Variants in TCF25 observed in about 807,000 individuals in gnomAD.
TCF25 encodes the protein ribosome quality control complex subunit TCF25.
A neutral mutation model predicts 83.1 loss-of-function variants in TCF25; 41 were observed. The ratio of observed to expected loss-of-function variants is 0.49; its 90% CI spans 0.38 to 0.64. The LOEUF is 0.64. Among genes scored for constraint, TCF25 ranks in the 30% least tolerant of loss-of-function variants. TCF25 has a pLI of 0.00. For synonymous variants in TCF25, 458 were observed against 365.0 expected (o/e 1.25, Z -2.90); for missense variants, 979 against 914.5 (o/e 1.07, Z -0.91).
intron 13 of TCF25, 59 bp from the exon 14 acceptor site, chr16:89,904,879 C>A: frequency 6.4e-7 from 1 of 1,562,366 alleles, no homozygotes; most frequent in Admixed American, 1.9e-5. Flanking sequence ...GCTCTGCCAG[C>A]CTCGAGGCAG....
chr16:89,879,888 C>T (rs2042468207), intron 1 of TCF25, among the ~76,000 whole-genome samples: 1 of 150,378 alleles, frequency 6.6e-6, no homozygotes, highest in Admixed American at 6.7e-5. Flanking sequence ...CACAGATGGG[C>T]TTCGGAGCCT....
chr16:89,895,036 A>G lies in TCF25; in HGVS notation c.829-2A>G. 1 of 1,612,438 alleles carries G rather than the reference A, an allele frequency of 6.2e-7. No homozygotes were observed. Among genetic ancestry groups the G allele is most frequent in the Non-Finnish European group, 8.5e-7 (1 of 1,179,092 alleles). ...CTCCAGGGCTGTCCTCCCTTCTGGT[A>G]GGTTCTGCTCCAGACGAGCCCTTAC... On this transcript the variant is annotated splice_acceptor_variant, in intron 7 of 17. Coordinates refer to ENST00000263346, the MANE Select transcript of TCF25 (RefSeq NM_014972.3). LOFTEE classifies it high-confidence loss of function.
Position 89,884,563 on chromosome 16 carries a change from A to T in TCF25, c.355-19A>T, listed in dbSNP as rs1460485112. ...ATTTACTTCTCATTCTACTGATGAA[A>T]ATGTGTTTCTATCATTAGTCTCATG... On this transcript the variant is annotated intron_variant, in intron 2 of 17. Coordinates refer to ENST00000263346, the MANE Select transcript of TCF25 (RefSeq NM_014972.3). 6.2e-7 allele frequency: 1 copy of T among 1,611,898 alleles called. No homozygotes were observed.
chr16:89,910,993 C>A, intron 17 of TCF25, 87 bp from the exon 18 acceptor site: 1 of 1,553,910 alleles, frequency 6.4e-7, no homozygotes, highest in Non-Finnish European at 8.7e-7. Context: ...AGGGCCACCT[C>A]GGGCTCCACA....
rs1419273580 is a variant in TCF25, at chr16:89,893,832, G to C, written c.802G>C (p.Glu268Gln). The C allele has an allele frequency of 6.2e-7, 1 of 1,609,878 alleles. No homozygotes were observed. The highest frequency in any genetic ancestry group is 8.5e-7 in the Non-Finnish European group (1 of 1,178,276). ...QAQHKFLVAV[E>Q]SMEPNNIVVL... ...TCAGCACAAGTTCCTGGTGGCCGTG[G>C]AGTCTATGGAGCCGAACAACATCGT... Residue 268 changes from glutamate (E) to glutamine (Q), a missense_variant, in exon 7 of 18, where the codon GAG becomes CAG. By Grantham distance (29) the Glu-to-Gln change is conservative. Coordinates refer to ENST00000263346, the MANE Select transcript of TCF25 (RefSeq NM_014972.3).
At chr16:89,905,681 C>G (rs4591146) in intron 14 of TCF25, among the ~76,000 whole-genome samples, 1 of 152,152 alleles carries the variant, frequency 6.6e-6, no homozygotes, top group African/African-American at 2.4e-5. Flanking sequence ...GAGGTGTGCC[C>G]GGGGGTGCCC....
intron 1 of TCF25, among the ~76,000 whole-genome samples, chr16:89,876,833 G>A (rs1398641376): frequency 6.6e-6 from 1 of 151,726 alleles, no homozygotes; most frequent in Non-Finnish European, 1.5e-5. Flanking sequence ...GGAGGCTGAG[G>A]CAGGAGAATG....
At chr16:89,886,873 G>T (rs2043055432) in intron 4 of TCF25, among the ~76,000 whole-genome samples, 1 of 152,078 alleles carries the variant, frequency 6.6e-6, no homozygotes, top group African/African-American at 2.4e-5. Context: ...GGAGGCAGAG[G>T]TTGCAGTGAG....
At chr16:89,893,320 C>T (rs1303663904) in intron 6 of TCF25, among the ~76,000 whole-genome samples, 4 of 152,200 alleles carry the variant, frequency 2.6e-5, no homozygotes, top group African/African-American at 9.7e-5. Flanking sequence ...CCTGTGCCAC[C>T]GCACTCCAAC....
At position 89,896,030 on chromosome 16, in the gene TCF25, G is replaced by C. The variant is rs1567719919; in HGVS notation, c.969G>C (p.Leu323=). The change falls in exon 9 of 18, where the codon CTG becomes CTC. Residue 323 remains leucine (L), a synonymous_variant. Transcript: ENST00000263346. ...LYSMECAFHP[L]FSLTSGACRL... is the part of the protein sequence containing the mutation. Reference sequence around the variant, plus strand: ...GCATGGAATGTGCGTTCCACCCCCTGTTCAGTCTCACCAGTGGGGCCTGCC... The same window carrying C: ...GCATGGAATGTGCGTTCCACCCCCTCTTCAGTCTCACCAGTGGGGCCTGCC... 1.2e-6 allele frequency: 2 copies of C among 1,613,932 alleles called. No individual in the cohort carries two copies. Among genetic ancestry groups the C allele is most frequent in the East Asian group, 2.2e-5 (1 of 44,888 alleles).
intron 4 of TCF25, among the ~76,000 whole-genome samples, chr16:89,886,501 G>A (rs1567706025): frequency 1.3e-5 from 2 of 152,018 alleles, no homozygotes; most frequent in African/African-American, 2.4e-5. Context: ...GGTGGCTCAC[G>A]CCTGTAATCC....
Position 89,898,729 on chromosome 16 carries a change from G to T in TCF25, c.1116-38G>T, listed in dbSNP as rs376239848. On this transcript the variant is annotated intron_variant, in intron 10 of 17. Transcript: ENST00000263346. ...CCACTCTCAGCCTGACGATGCCCCT[G>T]TTCCCCTTTGCTCTGCTCTCTGTGC... is the stretch of plus-strand genomic sequence containing the variant. 3.1e-6 allele frequency: 5 copies of T among 1,613,184 alleles called. No homozygotes were observed. The South Asian group carries it at 4.4e-5, about 14-fold the overall frequency.
intron 17 of TCF25, 108 bp from the exon 18 acceptor site, chr16:89,910,972 G>A (rs1030477291): frequency 6.8e-6 from 10 of 1,472,218 alleles, no homozygotes; most frequent in Non-Finnish European, 7.4e-6. Context: ...TCAGGGTCCG[G>A]TGCTGGGGCA....
chr16:89,893,582 T>G, intron 6 of TCF25, 146 bp from the exon 7 acceptor site: 1 of 1,284,286 alleles, frequency 7.8e-7, no homozygotes, highest in South Asian at 1.4e-5. Flanking sequence ...TGTCCGGAGC[T>G]GGTGACACCC....
intron 1 of TCF25, chr16:89,878,326 C>T (rs993785393): frequency 2.8e-5 from 21 of 745,492 alleles, no homozygotes; most frequent in African/African-American, 2.7e-4. Flanking sequence ...TGGCTCATGC[C>T]GGTAATCCCA....
At chr16:89,902,841 C>T (rs2044456877) in intron 12 of TCF25, among the ~76,000 whole-genome samples, 1 of 152,122 alleles carries the variant, frequency 6.6e-6, no homozygotes, top group South Asian at 2.1e-4. Flanking sequence ...CGTGACCACT[C>T]ATCGCCTATT....
At chr16:89,910,442 G>A (rs2045467824) in intron 16 of TCF25, 149 bp from the exon 17 acceptor site, 1 of 732,364 alleles carries the variant, frequency 1.4e-6, no homozygotes, top group South Asian at 1.7e-5. Context: ...GGGAATCCAG[G>A]GCCTGTGCTC....
intron 1 of TCF25, chr16:89,878,497 T>TA: frequency 4.1e-6 from 5 of 1,233,838 alleles, no homozygotes; most frequent in Non-Finnish European, 5.2e-6. Flanking sequence ...TAAAAAAAGA[T>TA]AAAACTCCTT....
At chr16:89,885,637 G>T (rs541256001) in intron 3 of TCF25, among the ~76,000 whole-genome samples, 1 of 152,146 alleles carries the variant, frequency 6.6e-6, no homozygotes, top group African/African-American at 2.4e-5. Flanking sequence ...GGTCCTTCTG[G>T]TTCTGTGATT....
Sources: gnomAD v4.1 joint callset for allele counts (sites outside exome capture counted in the v4.1 genomes callset) on GRCh38, gnomAD v4.1.1 for gene constraint, MANE v1.5 for transcripts, NCBI Gene and HGNC (gene_info 2026-07-23, HGNC 2026-07-21) for gene names.